GLIS3: variants seen among roughly 807,000 people sequenced by gnomAD.
GLIS3 encodes the protein zinc finger protein GLIS3.
GLIS3 carries 53 observed loss-of-function variants against 78.6 expected under a neutral mutation model. That is an observed-to-expected ratio of 0.67 (90% CI 0.54 to 0.85). The LOEUF (loss-of-function observed/expected upper bound fraction) is 0.85, where lower values mean the gene tolerates loss of function less well. Ranked by LOEUF, GLIS3 falls within the 40% of genes least tolerant of loss-of-function variation. The pLI, the probability that GLIS3 is intolerant of heterozygous loss-of-function variation, is 0.00. For synonymous variants in GLIS3, 684 were observed against 509.9 expected, an observed-to-expected ratio of 1.34 and a Z score of -4.60; for missense variants, 1,703 against 1,231.1, an observed-to-expected ratio of 1.38 and a Z score of -5.74.
chr9:3,909,897 G>A (rs789003), intron 6 of GLIS3, among the ~76,000 whole-genome samples: 151,143 of 152,302 alleles, frequency 0.99, 75,001 homozygotes, highest in East Asian at 1. Flanking sequence ...AGCATTTGAA[G>A]TGTGGCTAAT....
chr9:4,382,946 T>G, the GLIS3 span, among the ~76,000 whole-genome samples: 1 of 152,174 alleles, frequency 6.6e-6, no homozygotes, highest in Non-Finnish European at 1.5e-5. Flanking sequence ...CAAAGCAAAA[T>G]TTGACCTTAC....
chr9:3,964,384 T>C (rs1420897859), intron 4 of GLIS3, among the ~76,000 whole-genome samples: 1 of 152,202 alleles, frequency 6.6e-6, no homozygotes, highest in Admixed American at 6.5e-5. Flanking sequence ...TTACATTCTC[T>C]TTGCACTGTA....
chr9:3,971,263 TAC>T (rs752354788), intron 4 of GLIS3, among the ~76,000 whole-genome samples: 16 of 152,140 alleles, frequency 1.1e-4, no homozygotes, highest in Non-Finnish European at 2.2e-4. Context: ...ATGAAGACAC[TAC>T]ACACTTTCTG....
intron 4 of GLIS3, among the ~76,000 whole-genome samples, chr9:3,972,268 A>G (rs1372092264): frequency 6.6e-6 from 1 of 152,144 alleles, no homozygotes; most frequent in Non-Finnish European, 1.5e-5. Flanking sequence ...TTAGGATGAA[A>G]TCTGTGCATA....
intron 4 of GLIS3, among the ~76,000 whole-genome samples, chr9:3,960,213 T>C (rs531299775): frequency 6.6e-6 from 1 of 152,108 alleles, no homozygotes; most frequent in Non-Finnish European, 1.5e-5. Context: ...GAGAACACTG[T>C]GTAAATATGA....
At chr9:3,881,091 G>C (rs1243620696) in intron 7 of GLIS3, among the ~76,000 whole-genome samples, 1 of 152,126 alleles carries the variant, frequency 6.6e-6, no homozygotes, top group Non-Finnish European at 1.5e-5. Flanking sequence ...AGCTAGCTCA[G>C]GGAACCACAA....
chr9:3,958,379 G>A (rs1034138434), intron 4 of GLIS3, among the ~76,000 whole-genome samples: 2 of 152,140 alleles, frequency 1.3e-5, no homozygotes, highest in Non-Finnish European at 2.9e-5. Flanking sequence ...AAAAAGTCAT[G>A]AATCATTAGA....
At chr9:3,865,732 G>A (rs1479639565) in intron 8 of GLIS3, among the ~76,000 whole-genome samples, 1 of 152,194 alleles carries the variant, frequency 6.6e-6, no homozygotes, top group African/African-American at 2.4e-5. Context: ...ACATGAGGTG[G>A]ATTTGTTTGG....
chr9:3,884,357 A>C (rs1281926806), intron 7 of GLIS3, among the ~76,000 whole-genome samples: 1 of 152,188 alleles, frequency 6.6e-6, no homozygotes, highest in East Asian at 1.9e-4. Context: ...CTGTGTTTTC[A>C]TCACTTCAGA....
At chr9:3,953,791 CTCTCTATATATATA>C (rs1238490321) in intron 4 of GLIS3, among the ~76,000 whole-genome samples, 11 of 47,986 alleles carry the variant, frequency 2.3e-4, no homozygotes, top group East Asian at 5.4e-4. Context: ...CTCTCTCTCT[CTCTCTATATATATA>C]TATATATATA....
At chr9:4,110,605 G>A (rs1831129801) in intron 4 of GLIS3, among the ~76,000 whole-genome samples, 1 of 152,108 alleles carries the variant, frequency 6.6e-6, no homozygotes, top group Non-Finnish European at 1.5e-5. Context: ...CTATTAGACA[G>A]ATTGGTCTCC....
At chr9:3,960,029 G>A (rs1351019443) in intron 4 of GLIS3, among the ~76,000 whole-genome samples, 1 of 152,136 alleles carries the variant, frequency 6.6e-6, no homozygotes, top group Non-Finnish European at 1.5e-5. Flanking sequence ...GTGTGCACCT[G>A]TAATCTCAGT....
chr9:4,454,763 T>A, the GLIS3 span, among the ~76,000 whole-genome samples: 1 of 152,192 alleles, frequency 6.6e-6, no homozygotes, highest in Admixed American at 6.5e-5. Flanking sequence ...CTCTCTCTCA[T>A]AATTTCACAA....
intron 2 of GLIS3, among the ~76,000 whole-genome samples, chr9:4,195,488 C>T (rs867729451): frequency 1.3e-5 from 2 of 152,218 alleles, no homozygotes; most frequent in African/African-American, 4.8e-5. Context: ...ACTGCCGGCC[C>T]GCCAGCACCG....
intron 2 of GLIS3, among the ~76,000 whole-genome samples, chr9:4,139,055 G>C (rs1388555420): frequency 6.6e-6 from 1 of 152,164 alleles, no homozygotes; most frequent in African/African-American, 2.4e-5. Flanking sequence ...AGGCTGGGAA[G>C]AGCAAACGGA....
chr9:4,399,085 C>T, the GLIS3 span, among the ~76,000 whole-genome samples: 3 of 152,240 alleles, frequency 2.0e-5, no homozygotes, highest in Middle Eastern at 3.4e-3. Flanking sequence ...CAACCACTTC[C>T]TAGTGTTCTA....
chr9:3,852,800 T>C (rs1321690581), intron 9 of GLIS3, among the ~76,000 whole-genome samples: 1 of 152,226 alleles, frequency 6.6e-6, no homozygotes, highest in Non-Finnish European at 1.5e-5. Flanking sequence ...CACTGGCCCA[T>C]CTTCCTGGAG....
At chr9:3,997,602 T>C (rs774161758) in intron 4 of GLIS3, among the ~76,000 whole-genome samples, 13 of 151,944 alleles carry the variant, frequency 8.6e-5, no homozygotes, top group Non-Finnish European at 1.8e-4. Flanking sequence ...TGAACGTTTT[T>C]CTAGGAAAGT....
the GLIS3 span, among the ~76,000 whole-genome samples, chr9:4,450,472 C>T: frequency 2.6e-5 from 4 of 152,164 alleles, no homozygotes; most frequent in African/African-American, 9.7e-5. Flanking sequence ...GACAGGCCAA[C>T]ATTCAAATTC....
Sources: allele counts gnomAD v4.1 joint callset (sites outside exome capture counted in the v4.1 genomes callset), GRCh38; gene constraint gnomAD v4.1.1; transcripts MANE v1.5; gene names NCBI Gene and HGNC (gene_info 2026-07-23, HGNC 2026-07-21).